Variants in FHIT observed in about 807,000 individuals in gnomAD.
The protein encoded by FHIT is bis(5'-adenosyl)-triphosphatase.
In FHIT, 19 loss-of-function variants were observed where a neutral mutation model predicts 17.9. The observed-to-expected ratio is 1.06, with a 90% CI of 0.74 to 1.56. The LOEUF is 1.56. FHIT is among the 40% of genes most tolerant of loss of function. The pLI is 0.00. For synonymous variants in FHIT, 81 were observed against 69.7 expected, an observed-to-expected ratio of 1.16 and a Z score of -0.81; for missense variants, 248 against 189.2, an observed-to-expected ratio of 1.31 and a Z score of -1.82.
chr3:60,935,609 G>A (rs1020031775), intron 3 of FHIT, among the ~76,000 whole-genome samples: 10 of 152,168 alleles, frequency 6.6e-5, no homozygotes, highest in East Asian at 3.8e-4. Context: ...GATGTGTCCC[G>A]GCTGAGGCAG....
intron 4 of FHIT, chr3:60,690,600 G>T: frequency 1.9e-6 from 1 of 533,832 alleles, no homozygotes. Flanking sequence ...TTTCTCCAGT[G>T]CTCAGAGCAT....
chr3:59,956,339 G>A (rs1475927729), intron 7 of FHIT, among the ~76,000 whole-genome samples: 1 of 151,960 alleles, frequency 6.6e-6, no homozygotes, highest in Admixed American at 6.6e-5. Context: ...TTTGAGACCA[G>A]TCTGGGCAAC....
chr3:60,714,672 C>T (rs184665170), intron 4 of FHIT, among the ~76,000 whole-genome samples: 4 of 152,228 alleles, frequency 2.6e-5, no homozygotes, highest in African/African-American at 7.2e-5. Context: ...CATGAGTGAA[C>T]TCCCATTCAC....
chr3:60,872,171 T>C (rs1553755169), intron 3 of FHIT, among the ~76,000 whole-genome samples: 1 of 152,150 alleles, frequency 6.6e-6, no homozygotes, highest in African/African-American at 2.4e-5. Flanking sequence ...AAGCCTGCTT[T>C]GTTTTGTTTG....
At chr3:60,678,957 C>A (rs1277457028) in intron 4 of FHIT, among the ~76,000 whole-genome samples, 1 of 90,268 alleles carries the variant, frequency 1.1e-5, no homozygotes, top group Non-Finnish European at 2.9e-5. Flanking sequence ...TGTTTTGAGT[C>A]CTTAAAAAAA....
chr3:60,362,568 C>A (rs993329296), intron 5 of FHIT, among the ~76,000 whole-genome samples: 1 of 152,138 alleles, frequency 6.6e-6, no homozygotes, highest in African/African-American at 2.4e-5. Context: ...ACAGTGTCTG[C>A]CACTTAAGCA....
At chr3:61,038,579 A>G (rs1282605820) in intron 3 of FHIT, among the ~76,000 whole-genome samples, 1 of 152,230 alleles carries the variant, frequency 6.6e-6, no homozygotes, top group Non-Finnish European at 1.5e-5. Flanking sequence ...ATACCAAATA[A>G]TTACTGTTTA....
At chr3:61,004,692 T>C (rs1408049031) in intron 3 of FHIT, among the ~76,000 whole-genome samples, 2 of 152,004 alleles carry the variant, frequency 1.3e-5, no homozygotes. Context: ...CCTTCCATTT[T>C]CCAGTCTCCT....
chr3:60,374,280 A>G (rs556517515), intron 5 of FHIT, among the ~76,000 whole-genome samples: 2 of 152,210 alleles, frequency 1.3e-5, no homozygotes, highest in African/African-American at 2.4e-5. Flanking sequence ...GCCAGGCAAA[A>G]TAGTCTAGTT....
At position 61,147,407 on chromosome 3, in the gene FHIT, T is replaced by C. The variant is rs1195193136; in HGVS notation, c.-164+53210A>G. 5.3e-5 allele frequency among the ~76,000 whole-genome samples: 8 copies of C among 152,010 alleles called. No individual in the cohort carries two copies. In the South Asian group the frequency reaches 1.2e-3, roughly 24 times the overall value. ...TTTTCATACTTGTTTCCTTTGACGG[T>C]AGAAAAAAATGATGTATTTTTCTGT... On this transcript the variant is annotated intron_variant, in intron 2 of 9. Coordinates refer to ENST00000492590, the MANE Select transcript of FHIT (RefSeq NM_002012.4).
chr3:60,074,914 T>C (rs558589671), intron 5 of FHIT, among the ~76,000 whole-genome samples: 2 of 152,208 alleles, frequency 1.3e-5, no homozygotes, highest in East Asian at 1.9e-4. Flanking sequence ...TCTCAGAACA[T>C]TTGACACGTC....
At chr3:60,448,086 T>C (rs2031467903) in intron 5 of FHIT, among the ~76,000 whole-genome samples, 1 of 152,176 alleles carries the variant, frequency 6.6e-6, no homozygotes, top group Non-Finnish European at 1.5e-5. Flanking sequence ...GCAGAAGCCT[T>C]GGAAGGGACT....
intron 4 of FHIT, chr3:60,617,919 T>C: frequency 4.3e-6 from 1 of 232,478 alleles, no homozygotes; most frequent in Non-Finnish European, 8.7e-6. Flanking sequence ...AAGTAATTTG[T>C]GATAACTGAA....
chr3:61,210,894 C>T (rs1389711419), intron 1 of FHIT, among the ~76,000 whole-genome samples: 1 of 151,830 alleles, frequency 6.6e-6, no homozygotes, highest in African/African-American at 2.4e-5. Flanking sequence ...TCTTCTGTGT[C>T]GCTCACACTG....
intron 9 of FHIT, chr3:59,751,604 A>C (rs1329810655): frequency 5.1e-6 from 1 of 196,496 alleles, no homozygotes; most frequent in Non-Finnish European, 1.0e-5. Context: ...CCAGAGTCTT[A>C]AACCTATGAT....
intron 4 of FHIT, among the ~76,000 whole-genome samples, chr3:60,565,615 T>G (rs1045162357): frequency 6.6e-6 from 1 of 152,182 alleles, no homozygotes; most frequent in Admixed American, 6.6e-5. Context: ...AAGACCACTT[T>G]TAAAAATCTG....
intron 5 of FHIT, among the ~76,000 whole-genome samples, chr3:60,140,830 G>A (rs1399726031): frequency 2.0e-5 from 3 of 151,978 alleles, no homozygotes; most frequent in Non-Finnish European, 2.9e-5. Flanking sequence ...CACCTGCCTC[G>A]GCCTTCCAAA....
At chr3:60,251,340 T>A (rs1391324388) in intron 5 of FHIT, among the ~76,000 whole-genome samples, 1 of 152,110 alleles carries the variant, frequency 6.6e-6, no homozygotes, top group African/African-American at 2.4e-5. Context: ...GTGAGGAACA[T>A]TATGACACCT....
At chr3:60,998,277 G>C (rs527907778) in intron 3 of FHIT, among the ~76,000 whole-genome samples, 20 of 152,222 alleles carry the variant, frequency 1.3e-4, no homozygotes, top group African/African-American at 4.8e-4. Context: ...TTGTTTGCTT[G>C]TTATTCAAGA....
Sources: gnomAD v4.1 joint callset for allele counts (sites outside exome capture counted in the v4.1 genomes callset) on GRCh38, gnomAD v4.1.1 for gene constraint, MANE v1.5 for transcripts, NCBI Gene and HGNC (gene_info 2026-07-23, HGNC 2026-07-21) for gene names.